The following HLCS variants were observed in gnomAD, a reference collection of about 807,000 sequenced individuals.
HLCS encodes the protein biotin--protein ligase.
Under a neutral mutation model 75.0 loss-of-function variants are expected in HLCS, and 53 were observed. That is an observed-to-expected ratio of 0.71 (90% CI 0.57 to 0.89). HLCS has a LOEUF of 0.89. HLCS is among the 40% of genes least tolerant of loss of function. HLCS has a pLI of 0.00. For missense variants in HLCS, 966 were observed against 1,074.0 expected (o/e 0.90, Z 1.41); for synonymous variants, 431 against 428.6 (o/e 1.01, Z -0.07).
At chr21:36,941,209 C>CTCAA (rs781696216) in intron 2 of HLCS, among the ~76,000 whole-genome samples, 5 of 152,140 alleles carry the variant, frequency 3.3e-5, no homozygotes, top group African/African-American at 9.7e-5. Context: ...AAGACTCTGT[C>CTCAA]TCAATCAATC....
At chr21:36,881,623 G>A (rs1196111094) in intron 6 of HLCS, among the ~76,000 whole-genome samples, 6 of 152,190 alleles carry the variant, frequency 3.9e-5, no homozygotes, top group Non-Finnish European at 8.8e-5. Context: ...CCCCATTGCC[G>A]TAATTCCTTT....
chr21:36,855,536 TAAAAAAAAAAAAAAA>T lies in HLCS; in HGVS notation c.1892+41309_1892+41323del, dbSNP rs71901243. Among the ~76,000 whole-genome samples the T allele has an allele frequency of 4.3e-3, 328 of 75,670 alleles. 1 individual carries two copies. Among genetic ancestry groups the T allele is most frequent in the Middle Eastern group, 0.012 (2 of 172 alleles). The allele number at this position is 75,670 out of a possible 152,430, so 49.6% of individuals were successfully genotyped here. On this transcript the variant is annotated intron_variant, in intron 6 of 10. Transcript: ENST00000674895. ...CTGGGCAACAGAGCAAGACTCCATC[TAAAAAAAAAAAAAAA>T]AAAAAAAAAAAGGTTAAAGGTGGCA...
At chr21:36,919,050 G>T (rs1254161948) in intron 5 of HLCS, among the ~76,000 whole-genome samples, 1 of 152,170 alleles carries the variant, frequency 6.6e-6, no homozygotes, top group Non-Finnish European at 1.5e-5. Context: ...AACAGAGCTC[G>T]CATCTTTCAG....
At chr21:36,792,439 T>C (rs924751804) in intron 6 of HLCS, among the ~76,000 whole-genome samples, 3 of 112,550 alleles carry the variant, frequency 2.7e-5, no homozygotes, top group Non-Finnish European at 5.0e-5. Context: ...ACCCTGATGA[T>C]GACAAGAAAA....
chr21:36,947,597 C>A (rs1461588623), intron 2 of HLCS: 4 of 985,434 alleles, frequency 4.1e-6, no homozygotes, highest in Non-Finnish European at 4.8e-6. Context: ...CTGGCTGTCC[C>A]TAAACAAAGG....
chr21:36,827,794 A>G (rs2062057718), intron 6 of HLCS, among the ~76,000 whole-genome samples: 1 of 149,902 alleles, frequency 6.7e-6, no homozygotes, highest in Non-Finnish European at 1.5e-5. Context: ...CTCAGTGGTA[A>G]GTATTTTTCT....
At chr21:36,922,849 T>G (rs985658057) in intron 5 of HLCS, among the ~76,000 whole-genome samples, 5 of 152,144 alleles carry the variant, frequency 3.3e-5, no homozygotes, top group Admixed American at 2.6e-4. Flanking sequence ...TCAGTGCAAA[T>G]CTCCAGGCGG....
At position 36,756,165 on chromosome 21, in the gene HLCS, G is replaced by A. The variant is rs557047143; in HGVS notation, c.2450+377C>T. On this transcript the variant is annotated intron_variant, in intron 10 of 10. Coordinates refer to ENST00000674895, the MANE Select transcript of HLCS (RefSeq NM_001352514.2). ...TTAAGATACTGAACTACGGCCGGGC[G>A]CGGTGGCTCACACCTGTAATCCCAG... Among the ~76,000 whole-genome samples, 45 of 152,154 alleles carry A rather than the reference G, an allele frequency of 3.0e-4. No individual in the cohort carries two copies. In the East Asian group the frequency reaches 4.5e-3, roughly 15 times the overall value.
chr21:36,825,662 G>GT (rs1357130406), intron 6 of HLCS, among the ~76,000 whole-genome samples: 1 of 152,176 alleles, frequency 6.6e-6, no homozygotes, highest in East Asian at 1.9e-4. Flanking sequence ...CAGAGCTAGC[G>GT]TAAGGCAGAG....
At chr21:36,904,371 A>G (rs888485668) in intron 5 of HLCS, among the ~76,000 whole-genome samples, 3 of 152,238 alleles carry the variant, frequency 2.0e-5, no homozygotes, top group African/African-American at 7.2e-5. Flanking sequence ...AGCAATACTT[A>G]GACACGTACA....
chr21:36,979,987 C>T (rs1305264139), intron 1 of HLCS, among the ~76,000 whole-genome samples: 1 of 123,568 alleles, frequency 8.1e-6, no homozygotes, highest in African/African-American at 3.1e-5. Context: ...AATCACGCCA[C>T]TTGTACTCCA....
intron 2 of HLCS, 80 bp downstream of exon 2, chr21:36,961,956 G>GAA (rs58618927): frequency 7.2e-3 from 4,833 of 668,742 alleles, no homozygotes; most frequent in South Asian, 0.017. Flanking sequence ...TCTGTCTCAG[G>GAA]AAAAAAAAAA....
chr21:36,869,518 T>A (rs1339080325), intron 6 of HLCS, among the ~76,000 whole-genome samples: 1 of 152,218 alleles, frequency 6.6e-6, no homozygotes, highest in Non-Finnish European at 1.5e-5. Flanking sequence ...CTCATTTCTT[T>A]CCTAAGGATT....
At position 36,767,305 on chromosome 21, in the gene HLCS, A is replaced by C; in HGVS notation, c.1893-20T>G. ...ATCAGCCTGCCGAAGAGGGGGAAAG[A>C]CCGGTTAGGCCAGACATGGACACGC... On this transcript the variant is annotated intron_variant, in intron 6 of 10. Coordinates refer to ENST00000674895, the MANE Select transcript of HLCS (RefSeq NM_001352514.2). The C allele has an allele frequency of 6.2e-7, 1 of 1,613,580 alleles. No homozygotes were observed. The highest frequency in any genetic ancestry group is 2.2e-5 in the East Asian group (1 of 44,862).
At chr21:36,771,637 T>C (rs183616869) in intron 6 of HLCS, among the ~76,000 whole-genome samples, 9 of 152,270 alleles carry the variant, frequency 5.9e-5, no homozygotes, top group Admixed American at 2.0e-4. Context: ...CCGGACACTT[T>C]TAGGTGATTT....
At chr21:36,854,957 G>C (rs1159241392) in intron 6 of HLCS, among the ~76,000 whole-genome samples, 2 of 152,126 alleles carry the variant, frequency 1.3e-5, no homozygotes, top group East Asian at 1.9e-4. Context: ...TGTAAATCAA[G>C]GGGGAGTTGG....
rs1569150024 is a variant in HLCS, at chr21:36,888,483, TATATATA to T, written c.1892+8370_1892+8376del. 3.3e-3 allele frequency among the ~76,000 whole-genome samples: 417 copies of T among 125,890 alleles called. 10 individuals carry two copies. Among genetic ancestry groups the T allele is most frequent in the Non-Finnish European group, 5.0e-3 (298 of 60,192 alleles). The allele number at this position is 125,890 out of a possible 152,430, so 82.6% of individuals were successfully genotyped here. ...ATATATATATATATATATATATATA[TATATATA>T]TATATATTTATTTATTTATTTTATG... is the stretch of plus-strand genomic sequence containing the variant. On this transcript the variant is annotated intron_variant, in intron 6 of 10. Coordinates refer to ENST00000674895, the MANE Select transcript of HLCS (RefSeq NM_001352514.2).
rs2089377905 is a variant in HLCS, at chr21:36,751,799, G to A, written c.*2447C>T. 6.6e-6 allele frequency: 1 copy of A among 152,178 alleles called. No individual in the cohort carries two copies. Among genetic ancestry groups the A allele is most frequent in the Admixed American group, 6.5e-5 (1 of 15,274 alleles). The allele number at this position is 152,178 out of a possible 1,614,324, so 9.4% of individuals were successfully genotyped here. ...TGAAACCCGTTACCAGCCTGGAAGG[G>A]AGGATATCTTGCCTTTTACAAAATA... On this transcript the variant is annotated 3_prime_UTR_variant, in exon 11 of 11. Coordinates refer to ENST00000674895, the MANE Select transcript of HLCS (RefSeq NM_001352514.2).
At chr21:36,977,667 G>A (rs1343536506) in intron 1 of HLCS, among the ~76,000 whole-genome samples, 4 of 152,190 alleles carry the variant, frequency 2.6e-5, no homozygotes, top group Non-Finnish European at 4.4e-5. Context: ...AGAGGCCATG[G>A]TCTGGAATCA....
Sources: allele counts gnomAD v4.1 joint callset (sites outside exome capture counted in the v4.1 genomes callset), GRCh38; gene constraint gnomAD v4.1.1; transcripts MANE v1.5; gene names NCBI Gene and HGNC (gene_info 2026-07-23, HGNC 2026-07-21).